The following FKBP1B variants were observed in gnomAD, a reference collection of about 807,000 sequenced individuals.
The protein encoded by FKBP1B is FKBP prolyl isomerase 1B.
Under a neutral mutation model 13.5 loss-of-function variants are expected in FKBP1B, and 4 were observed. That is an observed-to-expected ratio of 0.30 (90% confidence interval 0.15 to 0.68). The LOEUF (loss-of-function observed/expected upper bound fraction) is 0.68, where lower values mean the gene tolerates loss of function less well. Among genes scored for constraint, FKBP1B ranks in the 30% least tolerant of loss-of-function variants. FKBP1B has a pLI of 0.76. For synonymous variants in FKBP1B, 54 were observed against 53.6 expected, an observed-to-expected ratio of 1.01 and a Z score of -0.03; for missense variants, 93 against 136.2, an observed-to-expected ratio of 0.68 and a Z score of 1.58.
At chr2:24,038,169 A>G in the FKBP1B span, 2 of 1,614,210 alleles carry the variant, frequency 1.2e-6, no homozygotes, top group African/African-American at 2.7e-5. Context: ...TCTGGCTTTC[A>G]CCTGATGTTA....
chr2:24,049,581 CG>C (rs1260441941), upstream of FKBP1B: 1 of 347,834 alleles, frequency 2.9e-6, no homozygotes, highest in Non-Finnish European at 5.2e-6. Flanking sequence ...GGGTTAATGT[CG>C]TCAGGCGGGG....
chr2:24,052,746 C>A (rs1663937342), intron 1 of FKBP1B, among the ~76,000 whole-genome samples: 1 of 152,146 alleles, frequency 6.6e-6, no homozygotes, highest in Non-Finnish European at 1.5e-5. Flanking sequence ...GTGGGAGAAT[C>A]TCTTGAGCTC....
At position 24,060,851 on chromosome 2, in the gene FKBP1B, A is replaced by T. The variant is rs1664357727; in HGVS notation, c.123A>T (p.Arg41Ser). 4.3e-6 allele frequency: 7 copies of T among 1,614,108 alleles called. No individual in the cohort carries two copies. The highest frequency in any genetic ancestry group is 5.9e-6 in the Non-Finnish European group (7 of 1,180,034). ...LQNGKKFDSSRDRNKPFKFRI... is the reference protein window; with the variant it reads ...LQNGKKFDSSSDRNKPFKFRI... Reference sequence around the variant, plus strand: ...ATGGGAAGAAGTTTGATTCATCCAGAGACAGAAACAAACCTTTCAAGTTCA... The same window carrying T: ...ATGGGAAGAAGTTTGATTCATCCAGTGACAGAAACAAACCTTTCAAGTTCA... Residue 41 changes from arginine (R) to serine (S), a missense_variant, in exon 3 of 4, where the codon AGA (arginine) becomes AGT (serine). Transcript: ENST00000380986.
intron 2 of FKBP1B, among the ~76,000 whole-genome samples, chr2:24,055,042 A>G (rs1174922352): frequency 6.6e-6 from 1 of 152,192 alleles, no homozygotes; most frequent in African/African-American, 2.4e-5. Context: ...TAAGATGTCT[A>G]GGTCAATGAA....
intron 3 of FKBP1B, among the ~76,000 whole-genome samples, chr2:24,062,161 T>G (rs1301794177): frequency 4.0e-5 from 6 of 151,398 alleles, no homozygotes; most frequent in Non-Finnish European, 1.5e-5. Context: ...GCCCGGCCTG[T>G]TTTTTGTTTT....
At chr2:24,053,678 A>G (rs1202789840) in intron 1 of FKBP1B, among the ~76,000 whole-genome samples, 1 of 151,958 alleles carries the variant, frequency 6.6e-6, no homozygotes, top group Non-Finnish European at 1.5e-5. Context: ...AAAGCCCAGG[A>G]GACAGCAGAA....
chr2:24,049,792 C>A lies in FKBP1B; in HGVS notation c.-58C>A, dbSNP rs1573676708. On this transcript the variant is annotated 5_prime_UTR_variant, in exon 1 of 4. Transcript: ENST00000380986. ...AGCGACGGCGGGGCTGGGGCCGGAG[C>A]CGAGCCGGGGTCGGGCAGCAGCAGG... 2 of 1,301,122 alleles carry A rather than the reference C, an allele frequency of 1.5e-6. No homozygotes were observed. The highest frequency in any genetic ancestry group is 3.1e-5 in the East Asian group (1 of 32,080). 80.6% of individuals were successfully genotyped at this position (1,301,122 alleles called of 1,614,324 possible).
At chr2:24,060,769 T>C in intron 2 of FKBP1B, 45 bp from the exon 3 acceptor site, 1 of 1,414,982 alleles carries the variant, frequency 7.1e-7, no homozygotes, top group Non-Finnish European at 1.0e-6. Context: ...ATTGGGAGTT[T>C]ACTCATGACC....
In FKBP1B at chr2:24,049,748, C is replaced by A. The variant is rs1292389789; in HGVS notation, c.-102C>A. The A allele has an allele frequency of 3.1e-6, 3 of 954,074 alleles. No homozygotes were observed. Among genetic ancestry groups the A allele is most frequent in the African/African-American group, 3.4e-5 (2 of 58,578 alleles). 59.1% of individuals were successfully genotyped at this position (954,074 alleles called of 1,614,324 possible). A position where few individuals can be genotyped will look rare whatever the true frequency, so the allele number is the denominator to read the frequency against. ...CGCACCTCCTCCGGCTCTGCAGTGGCGGCGAGGAGGCGAGCCGGAGCGACG... is the reference window on the plus strand; with the variant it reads ...CGCACCTCCTCCGGCTCTGCAGTGGAGGCGAGGAGGCGAGCCGGAGCGACG... On this transcript the variant is annotated 5_prime_UTR_variant, in exon 1 of 4. Coordinates refer to ENST00000380986, the MANE Select transcript of FKBP1B (RefSeq NM_004116.5).
intron 1 of FKBP1B, among the ~76,000 whole-genome samples, chr2:24,052,458 T>C (rs1663924157): frequency 6.6e-6 from 1 of 152,140 alleles, no homozygotes; most frequent in Non-Finnish European, 1.5e-5. Flanking sequence ...CACTTGTTAC[T>C]CCTTTCCCAA....
In FKBP1B at chr2:24,063,485, A is replaced by AAG; in HGVS notation, c.*294_*295insGA. 12 of 318,018 alleles carry AAG rather than the reference A, an allele frequency of 3.8e-5. No homozygotes were observed. The South Asian group carries it at 5.2e-4, about 14-fold the overall frequency. The allele number at this position is 318,018 out of a possible 1,614,324, so 19.7% of individuals were successfully genotyped here. ...CAGAACACAGATCTCTTGTTCGCAC[A>AAG]ATCTACACTGCCTTACCTTCACTTA... On this transcript the variant is annotated 3_prime_UTR_variant, in exon 4 of 4. Transcript: ENST00000380986.
At chr2:24,047,385 A>T (rs1036228331), upstream of FKBP1B, 1 of 151,912 alleles carries the variant, frequency 6.6e-6, no homozygotes, top group Non-Finnish European at 1.5e-5. Flanking sequence ...CGCACATAAG[A>T]AGTTCTGGGC....
chr2:24,051,308 T>C (rs1202301528), intron 1 of FKBP1B, among the ~76,000 whole-genome samples: 1 of 150,080 alleles, frequency 6.7e-6, no homozygotes. Flanking sequence ...CACTCCAGCC[T>C]GGGTGACAGA....
At chr2:24,036,903 G>A in the FKBP1B span, among the ~76,000 whole-genome samples, 1 of 152,232 alleles carries the variant, frequency 6.6e-6, no homozygotes, top group African/African-American at 2.4e-5. Flanking sequence ...GGAAGATGGG[G>A]CAAGGCCATA....
the FKBP1B span, among the ~76,000 whole-genome samples, chr2:24,033,634 G>A: frequency 6.6e-6 from 1 of 152,004 alleles, no homozygotes; most frequent in Non-Finnish European, 1.5e-5. Context: ...CCAGCTACTC[G>A]GGAGGCTGAG....
chr2:24,043,296 A>G, the FKBP1B span, among the ~76,000 whole-genome samples: 1 of 152,208 alleles, frequency 6.6e-6, no homozygotes, highest in African/African-American at 2.4e-5. Context: ...AGATGGCACC[A>G]CTGCACTGTA....
chr2:24,054,690 T>C (rs1447315144), intron 2 of FKBP1B: 1 of 155,710 alleles, frequency 6.4e-6, no homozygotes, highest in Non-Finnish European at 1.5e-5. Context: ...ACAAGGTTAA[T>C]TCTAGGCAGA....
chr2:24,063,371 G>T lies in FKBP1B; in HGVS notation c.*179G>T. 1.7e-6 allele frequency: 1 copy of T among 575,124 alleles called. No individual in the cohort carries two copies. Among genetic ancestry groups the T allele is most frequent in the Non-Finnish European group, 2.8e-6 (1 of 354,248 alleles). The allele number at this position is 575,124 out of a possible 1,614,324, so 35.6% of individuals were successfully genotyped here. A position where few individuals can be genotyped will look rare whatever the true frequency, so the allele number is the denominator to read the frequency against. ...TGTATGTGTTCGTCAGTGTTCATGC[G>T]AATTCTTGCTTGAGGAAACTTCGGT... On this transcript the variant is annotated 3_prime_UTR_variant, in exon 4 of 4. Transcript: ENST00000380986.
At chr2:24,033,227 T>TG in the FKBP1B span, 1 of 530,410 alleles carries the variant, frequency 1.9e-6, no homozygotes, top group Non-Finnish European at 3.7e-6. Context: ...AAAAGGATGA[T>TG]GGACAGCAGC....
Sources: allele counts gnomAD v4.1 joint callset (sites outside exome capture counted in the v4.1 genomes callset), GRCh38; gene constraint gnomAD v4.1.1; transcripts MANE v1.5; gene names NCBI Gene and HGNC (gene_info 2026-07-23, HGNC 2026-07-21).